ARL14EPL: variants seen among roughly 807,000 people sequenced by gnomAD.
ARL14EPL encodes the protein ARF like GTPase 14 effector protein like.
A neutral mutation model predicts 15.9 loss-of-function variants in ARL14EPL; 17 were observed. The observed-to-expected ratio is 1.07, with a 90% CI of 0.73 to 1.60. The LOEUF (loss-of-function observed/expected upper bound fraction) is 1.60. Ranked by LOEUF, ARL14EPL falls within the 40% of genes most tolerant of loss-of-function variation. ARL14EPL has a pLI of 0.00. For missense variants in ARL14EPL, 214 were observed against 185.9 expected (o/e 1.15, Z -0.88); for synonymous variants, 78 against 63.8 (o/e 1.22, Z -1.06).
At chr5:116,039,474 CTT>C (rs1192135921) in intron 1 of ARL14EPL, among the ~76,000 whole-genome samples, 1 of 152,120 alleles carries the variant, frequency 6.6e-6, no homozygotes, top group East Asian at 1.9e-4. Flanking sequence ...AACACTTCTT[CTT>C]TGAAACAAGT....
At chr5:116,052,863 T>G (rs1425049765) in intron 2 of ARL14EPL, among the ~76,000 whole-genome samples, 1 of 152,248 alleles carries the variant, frequency 6.6e-6, no homozygotes, top group East Asian at 1.9e-4. Context: ...TTCATGTATA[T>G]GTCAGCCTAT....
intron 3 of ARL14EPL, among the ~76,000 whole-genome samples, chr5:116,056,684 G>A (rs13177741): frequency 0.57 from 86,461 of 151,942 alleles, 26,218 homozygotes; most frequent in Non-Finnish European, 0.7. Context: ...GTCTTTTGTT[G>A]CCATTGCTTT....
chr5:116,042,035 T>A (rs1038376242), intron 1 of ARL14EPL, among the ~76,000 whole-genome samples: 1 of 152,070 alleles, frequency 6.6e-6, no homozygotes. Flanking sequence ...CTCACCATGT[T>A]GTCTAGGCTG....
In ARL14EPL at chr5:116,058,800, C is replaced by G; in HGVS notation, c.312C>G (p.Asn104Lys). The G allele has an allele frequency of 1.3e-6, 2 of 1,536,000 alleles. No homozygotes were observed. The highest frequency in any genetic ancestry group is 1.7e-6 in the Non-Finnish European group (2 of 1,146,886). Residue 104 changes from asparagine (N) to lysine (K), a missense_variant, in exon 4 of 4, where the codon AAC becomes AAG. By Grantham distance (94) the Asn-to-Lys change is moderately conservative (BLOSUM62 0). Coordinates refer to ENST00000686077, the MANE Select transcript of ARL14EPL (RefSeq NM_001195581.2). ...DADLCDCLEK[N>K]CLGCFYPCPK... Reference sequence around the variant, plus strand: ...ATCTGTGTGATTGTCTAGAGAAGAACTGCCTGGGCTGCTTCTACCCATGCC... The same window carrying G: ...ATCTGTGTGATTGTCTAGAGAAGAAGTGCCTGGGCTGCTTCTACCCATGCC...
intron 3 of ARL14EPL, among the ~76,000 whole-genome samples, chr5:116,054,528 G>T (rs887330135): frequency 6.6e-6 from 1 of 152,154 alleles, no homozygotes; most frequent in Non-Finnish European, 1.5e-5. Context: ...TTAGTGCATC[G>T]TAAGTATAAA....
intron 1 of ARL14EPL, among the ~76,000 whole-genome samples, chr5:116,035,961 C>A (rs1273793880): frequency 6.6e-6 from 1 of 152,350 alleles, no homozygotes; most frequent in East Asian, 1.9e-4. Flanking sequence ...AGCAAGCAAG[C>A]ACCTTCTTTC....
At chr5:116,043,091 T>C (rs1403140906) in intron 1 of ARL14EPL, among the ~76,000 whole-genome samples, 1 of 152,088 alleles carries the variant, frequency 6.6e-6, no homozygotes. Context: ...CTGCAATGGA[T>C]AAGCTTATGA....
intron 1 of ARL14EPL, among the ~76,000 whole-genome samples, chr5:116,035,102 A>C (rs1397195142): frequency 6.6e-6 from 1 of 152,176 alleles, no homozygotes; most frequent in Admixed American, 6.5e-5. Context: ...TTCAACTTGC[A>C]TTGTAATGAT....
intron 1 of ARL14EPL, among the ~76,000 whole-genome samples, chr5:116,037,581 T>C (rs1749070015): frequency 6.6e-6 from 1 of 152,210 alleles, no homozygotes; most frequent in South Asian, 2.1e-4. Flanking sequence ...TTTTTTTGTT[T>C]GTTTGTTTGT....
chr5:116,053,277 C>A (rs59697643), intron 2 of ARL14EPL, among the ~76,000 whole-genome samples: 1 of 149,214 alleles, frequency 6.7e-6, no homozygotes, highest in Admixed American at 6.8e-5. Flanking sequence ...ACTTGAGCCC[C>A]GGGGATTGAG....
chr5:116,039,599 A>G (rs1236926280), intron 1 of ARL14EPL, among the ~76,000 whole-genome samples: 1 of 152,178 alleles, frequency 6.6e-6, no homozygotes, highest in Non-Finnish European at 1.5e-5. Context: ...GGGGAAAAAA[A>G]GAATGAAAAC....
intron 1 of ARL14EPL, 23 bp from the exon 2 acceptor site, chr5:116,051,433 TA>T: frequency 7.3e-7 from 1 of 1,375,480 alleles, no homozygotes; most frequent in Non-Finnish European, 1.0e-6. Flanking sequence ...TAATATGTTT[TA>T]CTTTTTCCAA....
intron 3 of ARL14EPL, among the ~76,000 whole-genome samples, chr5:116,058,114 A>G (rs927728420): frequency 6.6e-6 from 1 of 152,202 alleles, no homozygotes; most frequent in Non-Finnish European, 1.5e-5. Flanking sequence ...ATGATCCTCC[A>G]GTCTTGGTCA....
At chr5:116,047,264 T>A (rs1876678) in intron 1 of ARL14EPL, among the ~76,000 whole-genome samples, 112,384 of 152,150 alleles carry the variant, frequency 0.74, 42,386 homozygotes, top group Middle Eastern at 0.84. Context: ...GTGTTGCGTT[T>A]CTGAAGAAGA....
chr5:116,041,837 A>AT (rs966758686), intron 1 of ARL14EPL, among the ~76,000 whole-genome samples: 15 of 151,198 alleles, frequency 9.9e-5, no homozygotes, highest in African/African-American at 2.9e-4. Context: ...TTTAAAACAA[A>AT]TTTTTTTTTG....
intron 1 of ARL14EPL, among the ~76,000 whole-genome samples, chr5:116,036,602 T>C (rs557427787): frequency 6.6e-6 from 1 of 152,376 alleles, no homozygotes; most frequent in South Asian, 2.1e-4. Context: ...TTTGGGTTTC[T>C]ACTTGCATTG....
At chr5:116,053,298 G>A (rs1448466336) in intron 2 of ARL14EPL, among the ~76,000 whole-genome samples, 1 of 148,884 alleles carries the variant, frequency 6.7e-6, no homozygotes, top group Non-Finnish European at 1.5e-5. Context: ...GCTGCAGTAA[G>A]CCATGATCAT....
chr5:116,035,128 G>A (rs1256458987), intron 1 of ARL14EPL, among the ~76,000 whole-genome samples: 2 of 152,158 alleles, frequency 1.3e-5, no homozygotes, highest in Non-Finnish European at 1.5e-5. Flanking sequence ...CCGCAGAGCA[G>A]CTAGAAAACT....
intron 3 of ARL14EPL, among the ~76,000 whole-genome samples, chr5:116,057,438 A>T (rs1001611996): frequency 6.7e-6 from 1 of 148,680 alleles, no homozygotes; most frequent in Non-Finnish European, 1.5e-5. Flanking sequence ...AAAAGCATCA[A>T]ATGGGCCGGA....
Sources: gnomAD v4.1 joint callset for allele counts (sites outside exome capture counted in the v4.1 genomes callset) on GRCh38, gnomAD v4.1.1 for gene constraint, MANE v1.5 for transcripts, NCBI Gene and HGNC (gene_info 2026-07-23, HGNC 2026-07-21) for gene names.